Variants in TIAM1 observed in about 807,000 individuals in gnomAD.
TIAM1 encodes the protein TIAM Rac1 associated GEF 1.
In TIAM1, 65 loss-of-function variants were observed where a neutral mutation model predicts 163.5. The ratio of observed to expected loss-of-function variants is 0.40; its 90% CI spans 0.33 to 0.49. TIAM1 has a LOEUF of 0.49. Among genes scored for constraint, TIAM1 ranks in the 20% least tolerant of loss-of-function variants. The pLI is 0.77. For missense variants in TIAM1, 1,789 were observed against 2,044.7 expected (o/e 0.87, Z 2.41); for synonymous variants, 833 against 810.1 (o/e 1.03, Z -0.48).
intron 16 of TIAM1, among the ~76,000 whole-genome samples, chr21:31,163,874 A>G (rs1288139567): frequency 6.6e-6 from 1 of 151,954 alleles, no homozygotes; most frequent in Admixed American, 6.5e-5. Flanking sequence ...GTCAAGCAAA[A>G]AAAAGAGAGA....
At chr21:31,336,488 C>CTTTTTTTTT (rs34052300) in intron 2 of TIAM1, among the ~76,000 whole-genome samples, 1 of 125,472 alleles carries the variant, frequency 8.0e-6, no homozygotes, top group Non-Finnish European at 1.7e-5. Context: ...TTGCCCCTTG[C>CTTTTTTTTT]TTTTTTTTTT....
At chr21:31,398,667 AG>A (rs747609943) in intron 2 of TIAM1, among the ~76,000 whole-genome samples, 2 of 152,266 alleles carry the variant, frequency 1.3e-5, no homozygotes, top group Non-Finnish European at 2.9e-5. Context: ...TCAGTAAAGG[AG>A]AAAAATTATG....
At chr21:31,462,875 TG>T (rs895026197) in intron 2 of TIAM1, among the ~76,000 whole-genome samples, 9 of 152,106 alleles carry the variant, frequency 5.9e-5, no homozygotes, top group Non-Finnish European at 1.2e-4. Flanking sequence ...CCCAAGTAGC[TG>T]GGATTACAGG....
At chr21:31,501,671 C>T (rs1465570907) in intron 1 of TIAM1, among the ~76,000 whole-genome samples, 4 of 151,878 alleles carry the variant, frequency 2.6e-5, no homozygotes, top group African/African-American at 4.8e-5. Context: ...GGCGCGATCT[C>T]GGCTCGCTGC....
chr21:31,348,798 C>A (rs1025010206), upstream of TIAM1, among the ~76,000 whole-genome samples: 1 of 152,156 alleles, frequency 6.6e-6, no homozygotes, highest in Non-Finnish European at 1.5e-5. Context: ...CCTTTCTAGG[C>A]AAAGTTTTAA....
At position 31,217,565 on chromosome 21, in the gene TIAM1, T is replaced by C; in HGVS notation, c.2130A>G (p.Pro710=). 1 of 1,613,872 alleles carries C rather than the reference T, an allele frequency of 6.2e-7. No individual in the cohort carries two copies. The highest frequency in any genetic ancestry group is 1.3e-5 in the African/African-American group (1 of 75,024). The change falls in exon 9 of 28, where the codon CCA becomes CCG. Residue 710 remains proline, a synonymous_variant. Transcript: ENST00000541036. ...DTTSKKKQGR[P]SINQVFGEGT... The stretch of plus-strand genomic sequence containing the variant: ...CTCTGGAACCTACCTGATTGATGCT[T>C]GGCCGTCCCTGCTTCTTTTTGGAGG...
intron 1 of TIAM1, among the ~76,000 whole-genome samples, chr21:31,521,520 G>A (rs13050598): frequency 0.14 from 20,797 of 152,122 alleles, 1,596 homozygotes; most frequent in Non-Finnish European, 0.17. Context: ...AGGATCACAT[G>A]AGGCTAGGAG....
At chr21:31,536,438 T>C (rs761952063) in intron 1 of TIAM1, among the ~76,000 whole-genome samples, 4 of 152,178 alleles carry the variant, frequency 2.6e-5, no homozygotes, top group Non-Finnish European at 2.9e-5. Context: ...CCACCCCGGA[T>C]ACCCCAAAGG....
intron 1 of TIAM1, among the ~76,000 whole-genome samples, chr21:31,557,541 G>A (rs1333396901): frequency 1.3e-5 from 2 of 152,164 alleles, no homozygotes; most frequent in Non-Finnish European, 1.5e-5. Context: ...GAGTGACACC[G>A]AGCAGGTACT....
At chr21:31,353,215 G>GT (rs2076262827) in intron 2 of TIAM1, among the ~76,000 whole-genome samples, 1 of 152,056 alleles carries the variant, frequency 6.6e-6, no homozygotes, top group Admixed American at 6.6e-5. Flanking sequence ...CCCTAACAGT[G>GT]GGGGAAATGA....
chr21:31,289,147 A>C (rs557132596), intron 2 of TIAM1, among the ~76,000 whole-genome samples: 1 of 152,324 alleles, frequency 6.6e-6, no homozygotes, highest in African/African-American at 2.4e-5. Flanking sequence ...TGTATAAAAT[A>C]AGAAGTCAAT....
chr21:31,226,944 A>G (rs1406516281), intron 6 of TIAM1, among the ~76,000 whole-genome samples: 1 of 149,840 alleles, frequency 6.7e-6, no homozygotes, highest in African/African-American at 2.5e-5. Flanking sequence ...TTGTATACAA[A>G]ATTCTGTGTT....
intron 2 of TIAM1, among the ~76,000 whole-genome samples, chr21:31,384,924 C>T (rs761127188): frequency 9.2e-5 from 14 of 152,170 alleles, no homozygotes; most frequent in Admixed American, 1.3e-4. Flanking sequence ...CTCACACCCA[C>T]ACAAGCACAC....
chr21:31,454,311 T>C (rs929618074), intron 2 of TIAM1, among the ~76,000 whole-genome samples: 1 of 152,260 alleles, frequency 6.6e-6, no homozygotes, highest in Non-Finnish European at 1.5e-5. Context: ...GCAATGAGAT[T>C]GGTCTACATG....
In TIAM1 at chr21:31,256,588, T is replaced by TACACACACACACACACACACAC. The variant is rs5030999; in HGVS notation, c.964-4421_964-4400dup. On this transcript the variant is annotated intron_variant, in intron 4 of 27. Transcript: ENST00000541036. ...CCCCAAAATATTAAGTACCCCTCAC[T>TACACACACACACACACACACAC]ACACACACACACACACACACACACA... 2.3e-4 allele frequency among the ~76,000 whole-genome samples: 30 copies of TACACACACACACACACACACAC among 128,244 alleles called. 1 individual carries two copies. Among genetic ancestry groups the TACACACACACACACACACACAC allele is most frequent in the African/African-American group, 3.8e-4 (13 of 34,000 alleles). 84.1% of individuals were successfully genotyped at this position (128,244 alleles called of 152,430 possible).
intron 2 of TIAM1, among the ~76,000 whole-genome samples, chr21:31,365,420 G>T (rs1219367684): frequency 7.5e-6 from 1 of 132,510 alleles, no homozygotes; most frequent in Admixed American, 8.8e-5. Context: ...AGGGAGTCTC[G>T]CTCTGTCGCC....
At chr21:31,516,107 CAA>C (rs1345174912) in intron 1 of TIAM1, among the ~76,000 whole-genome samples, 21 of 64,316 alleles carry the variant, frequency 3.3e-4, no homozygotes, top group East Asian at 5.5e-4. Context: ...GACTCCATCT[CAA>C]AAAAAAAAAA....
chr21:31,175,892 C>G (rs1327844057), intron 15 of TIAM1, among the ~76,000 whole-genome samples: 1 of 152,196 alleles, frequency 6.6e-6, no homozygotes. Flanking sequence ...AGCCACTGCG[C>G]CCGGCCTATA....
At chr21:31,135,714 T>C (rs374399100) in intron 23 of TIAM1, among the ~76,000 whole-genome samples, 1 of 152,160 alleles carries the variant, frequency 6.6e-6, no homozygotes, top group South Asian at 2.1e-4. Context: ...GGCACAGCCA[T>C]TTCCGCCCAC....
Sources: gnomAD v4.1 joint callset for allele counts (sites outside exome capture counted in the v4.1 genomes callset) on GRCh38, gnomAD v4.1.1 for gene constraint, MANE v1.5 for transcripts, NCBI Gene and HGNC (gene_info 2026-07-23, HGNC 2026-07-21) for gene names.